Variants in ADAMTS3 observed in about 807,000 individuals in gnomAD.
ADAMTS3 encodes the protein A disintegrin and metalloproteinase with thrombospondin motifs 3.
A neutral mutation model predicts 129.0 loss-of-function variants in ADAMTS3; 73 were observed. The ratio of observed to expected loss-of-function variants is 0.57; its 90% CI spans 0.47 to 0.69. The LOEUF (loss-of-function observed/expected upper bound fraction) is 0.69. Among genes scored for constraint, ADAMTS3 ranks in the 30% least tolerant of loss-of-function variants. The pLI is 0.00. For missense variants in ADAMTS3, 1,457 were observed against 1,514.5 expected, an observed-to-expected ratio of 0.96 and a Z score of 0.63; for synonymous variants, 477 against 510.8, an observed-to-expected ratio of 0.93 and a Z score of 0.89.
chr4:72,478,175 T>C (rs142283433), intron 3 of ADAMTS3, among the ~76,000 whole-genome samples: 148,216 of 152,244 alleles, frequency 0.97, 72,291 homozygotes, highest in East Asian at 1. Context: ...AGAGGGAATC[T>C]TCTCTAACTC....
chr4:72,545,312 T>C (rs889064785), intron 3 of ADAMTS3, among the ~76,000 whole-genome samples: 2 of 152,094 alleles, frequency 1.3e-5, no homozygotes, highest in Admixed American at 6.6e-5. Flanking sequence ...TGCCTGCCTA[T>C]TTGAAGAAGG....
chr4:72,431,164 C>T (rs1301729319), intron 3 of ADAMTS3, among the ~76,000 whole-genome samples: 4 of 151,706 alleles, frequency 2.6e-5, no homozygotes, highest in Non-Finnish European at 5.9e-5. Context: ...TAAACAGAAG[C>T]GGAAAGAAAG....
At chr4:72,533,969 C>T (rs568976165) in intron 3 of ADAMTS3, among the ~76,000 whole-genome samples, 33 of 152,174 alleles carry the variant, frequency 2.2e-4, no homozygotes, top group African/African-American at 7.2e-4. Flanking sequence ...TGATCTCTTC[C>T]TCGGCCAGAA....
intron 3 of ADAMTS3, among the ~76,000 whole-genome samples, chr4:72,500,701 G>A (rs764400817): frequency 3.3e-5 from 5 of 151,810 alleles, no homozygotes; most frequent in Non-Finnish European, 5.9e-5. Flanking sequence ...AGCTGGTATC[G>A]ATTATGGTAT....
rs1401137554 is a variant in ADAMTS3 at position 72,509,631 on chromosome 4, C to T, written c.504+38847G>A. Among the ~76,000 whole-genome samples, 5 of 152,038 alleles carry T rather than the reference C, an allele frequency of 3.3e-5. No individual in the cohort carries two copies. The East Asian group carries it at 9.7e-4, about 29-fold the overall frequency. ...AGATTGAAGCCATAATGAAAACTCT[C>T]CCAGTAAAGAAAAGCCCAGGACCTG... On this transcript the variant is annotated intron_variant, in intron 3 of 21. Coordinates refer to ENST00000286657, the MANE Select transcript of ADAMTS3 (RefSeq NM_014243.3).
rs572936800 is a variant in ADAMTS3 at position 72,392,639 on chromosome 4, G to A, written c.661+22176C>T. Among the ~76,000 whole-genome samples the A allele has an allele frequency of 1.1e-4, 17 of 152,224 alleles. No individual in the cohort carries two copies. The South Asian group carries it at 1.7e-3, about 15-fold the overall frequency. On this transcript the variant is annotated intron_variant, in intron 4 of 21. Coordinates refer to ENST00000286657, the MANE Select transcript of ADAMTS3 (RefSeq NM_014243.3). ...TTTAAAAGAGGAAAAGAATAGAAGA[G>A]AAGCCAAGGGGATAGAGGAATATAA... is the stretch of plus-strand genomic sequence containing the variant.
intron 3 of ADAMTS3, among the ~76,000 whole-genome samples, chr4:72,516,635 C>A (rs1202605613): frequency 6.6e-6 from 1 of 152,002 alleles, no homozygotes; most frequent in Non-Finnish European, 1.5e-5. Context: ...TGGCTCTCTG[C>A]TAGTCCGTTA....
At chr4:72,455,585 C>T (rs1445827740) in intron 3 of ADAMTS3, among the ~76,000 whole-genome samples, 1 of 145,270 alleles carries the variant, frequency 6.9e-6, no homozygotes, top group African/African-American at 2.6e-5. Context: ...AACAAACCTG[C>T]ACATTCTGCA....
intron 5 of ADAMTS3, among the ~76,000 whole-genome samples, chr4:72,326,840 A>G (rs555304712): frequency 2.1e-3 from 325 of 152,298 alleles, no homozygotes; most frequent in Admixed American, 3.2e-3. Flanking sequence ...TGAAACATCT[A>G]GTTTAAATTA....
chr4:72,291,018 C>T lies in ADAMTS3; in HGVS notation c.2768G>A (p.Ser923Asn). ...TACAGTGCGAAGCTGATAGCCAGAA[C>T]TTCCACAGGTTTTGGTGCAGTGTTC... is the stretch of plus-strand genomic sequence containing the variant. ...EWEHCTKTCG[S>N]SGYQLRTVRC... The change falls in exon 20 of 22, where the codon AGT becomes AAT. Residue 923 changes from serine (S) to asparagine (N), a missense_variant. Coordinates refer to ENST00000286657, the MANE Select transcript of ADAMTS3 (RefSeq NM_014243.3). 6.2e-7 allele frequency: 1 copy of T among 1,614,042 alleles called. No homozygotes were observed. Among genetic ancestry groups the T allele is most frequent in the East Asian group, 2.2e-5 (1 of 44,822 alleles).
intron 12 of ADAMTS3, among the ~76,000 whole-genome samples, chr4:72,313,200 G>C (rs1054724254): frequency 5.3e-5 from 8 of 152,288 alleles, no homozygotes; most frequent in African/African-American, 1.7e-4. Flanking sequence ...AGTAATTGTA[G>C]TCTGAGTGAA....
At chr4:72,386,203 C>T (rs1001518100) in intron 4 of ADAMTS3, among the ~76,000 whole-genome samples, 1 of 152,118 alleles carries the variant, frequency 6.6e-6, no homozygotes, top group Non-Finnish European at 1.5e-5. Context: ...TGAATCATTT[C>T]CTAAAATCAG....
chr4:72,530,740 A>G (rs1721010493), intron 3 of ADAMTS3, among the ~76,000 whole-genome samples: 1 of 28,182 alleles, frequency 3.5e-5, no homozygotes, highest in Admixed American at 5.5e-4. Context: ...TATATATTAT[A>G]TATATTATAT....
chr4:72,377,657 A>G (rs947995894), intron 4 of ADAMTS3, among the ~76,000 whole-genome samples: 7 of 152,174 alleles, frequency 4.6e-5, no homozygotes, highest in Non-Finnish European at 1.0e-4. Flanking sequence ...GGCATGACAT[A>G]GTTCCGTTGC....
intron 21 of ADAMTS3, among the ~76,000 whole-genome samples, chr4:72,285,321 G>A (rs553660616): frequency 2.0e-5 from 3 of 152,192 alleles, no homozygotes; most frequent in Middle Eastern, 3.4e-3. Flanking sequence ...ATCTAATTAT[G>A]TTATGAATGA....
chr4:72,566,394 C>T (rs1180730034), intron 2 of ADAMTS3, among the ~76,000 whole-genome samples: 3 of 152,176 alleles, frequency 2.0e-5, no homozygotes, highest in Non-Finnish European at 2.9e-5. Context: ...AGTATCCCCA[C>T]CTCACAGTGT....
rs1718380704 is a variant in ADAMTS3, at chr4:72,282,620, A to G, written c.*516T>C. The G allele has an allele frequency of 6.5e-6, 1 of 152,798 alleles. No individual in the cohort carries two copies. Among genetic ancestry groups the G allele is most frequent in the African/African-American group, 2.4e-5 (1 of 41,462 alleles). 9.5% of individuals were successfully genotyped at this position (152,798 alleles called of 1,614,324 possible). A position where few individuals can be genotyped will look rare whatever the true frequency, so the allele number is the denominator to read the frequency against. On this transcript the variant is annotated 3_prime_UTR_variant, in exon 22 of 22. Coordinates refer to ENST00000286657, the MANE Select transcript of ADAMTS3 (RefSeq NM_014243.3). ...ATAGTAAACAATCATTTGAGAACAC[A>G]TCTCTTAAAATAATACTGATTTTTG...
At chr4:72,541,648 G>A (rs538829057) in intron 3 of ADAMTS3, among the ~76,000 whole-genome samples, 8 of 152,192 alleles carry the variant, frequency 5.3e-5, no homozygotes, top group East Asian at 1.9e-4. Flanking sequence ...ATGGGGGTGC[G>A]TTTTTCCCAT....
chr4:72,434,680 G>GT (rs1722777033), intron 3 of ADAMTS3, among the ~76,000 whole-genome samples: 1 of 151,840 alleles, frequency 6.6e-6, no homozygotes. Flanking sequence ...AAGGAAGGGG[G>GT]TTTTGCAGAT....
Sources: allele counts gnomAD v4.1 joint callset (sites outside exome capture counted in the v4.1 genomes callset), GRCh38; gene constraint gnomAD v4.1.1; transcripts MANE v1.5; gene names NCBI Gene and HGNC (gene_info 2026-07-23, HGNC 2026-07-21).